The following SLC8A1 variants were observed in gnomAD, a reference collection of about 807,000 sequenced individuals.
SLC8A1 encodes sodium/calcium exchanger 1.
In SLC8A1, 18 loss-of-function variants were observed where a neutral mutation model predicts 68.3. The ratio of observed to expected loss-of-function variants is 0.26; its 90% CI spans 0.18 to 0.39. The LOEUF is 0.39. SLC8A1 is among the 10% of genes least tolerant of loss of function. The pLI, the probability that SLC8A1 is intolerant of heterozygous loss-of-function variation, is 1.00. For missense variants in SLC8A1, 985 were observed against 1,156.7 expected, an observed-to-expected ratio of 0.85 and a Z score of 2.15; for synonymous variants, 475 against 415.5, an observed-to-expected ratio of 1.14 and a Z score of -1.74.
intron 2 of SLC8A1, among the ~76,000 whole-genome samples, chr2:40,311,756 T>C (rs934815294): frequency 5.9e-5 from 9 of 152,266 alleles, no homozygotes; most frequent in Non-Finnish European, 1.3e-4. Context: ...ATTACTTGCA[T>C]AATTAAAATA....
chr2:40,219,830 C>G (rs2058054923), intron 2 of SLC8A1, among the ~76,000 whole-genome samples: 1 of 23,914 alleles, frequency 4.2e-5, no homozygotes, highest in South Asian at 9.4e-4. Flanking sequence ...CATGAGATTG[C>G]TTGAAAAATG....
At chr2:40,204,209 T>C (rs1412916888) in intron 2 of SLC8A1, among the ~76,000 whole-genome samples, 1 of 152,064 alleles carries the variant, frequency 6.6e-6, no homozygotes, top group Non-Finnish European at 1.5e-5. Flanking sequence ...TACATTGTTC[T>C]GTCTTTTAAG....
intron 1 of SLC8A1, among the ~76,000 whole-genome samples, chr2:40,467,300 G>A (rs547588424): frequency 2.0e-5 from 3 of 152,078 alleles, no homozygotes; most frequent in Non-Finnish European, 4.4e-5. Flanking sequence ...GTGTGTTGGA[G>A]CACTGATGTA....
At chr2:40,267,880 C>T (rs1559032019) in intron 2 of SLC8A1, among the ~76,000 whole-genome samples, 1 of 152,108 alleles carries the variant, frequency 6.6e-6, no homozygotes. Context: ...GCCCCTCCCA[C>T]ATATTTCCTT....
rs140762994 is a variant in SLC8A1 at position 40,332,106 on chromosome 2, T to C, written c.1808+96367A>G. ...TTGGGACTATAGGCATCAGCCATAG[T>C]GCCTGGCAGTGAGTTTTCTAAACAG... On this transcript the variant is annotated intron_variant, in intron 2 of 7. Coordinates refer to ENST00000406785, the Ensembl canonical transcript of SLC8A1. Among the ~76,000 whole-genome samples the C allele has an allele frequency of 3.4e-3, 517 of 152,208 alleles. 2 individuals carry two copies. Among genetic ancestry groups the C allele is most frequent in the African/African-American group, 0.012 (481 of 41,552 alleles).
intron 2 of SLC8A1, among the ~76,000 whole-genome samples, chr2:40,373,060 G>T (rs938383229): frequency 5.3e-5 from 8 of 150,406 alleles, no homozygotes; most frequent in Admixed American, 5.3e-4. Context: ...CTATGTCCTA[G>T]CCATAAATTG....
At chr2:40,231,131 G>C (rs2059594289) in intron 2 of SLC8A1, among the ~76,000 whole-genome samples, 1 of 152,166 alleles carries the variant, frequency 6.6e-6, no homozygotes, top group African/African-American at 2.4e-5. Flanking sequence ...GGAATGCTCA[G>C]TTTCCAGAAG....
At chr2:40,389,771 CTTTT>C (rs35431842) in intron 2 of SLC8A1, among the ~76,000 whole-genome samples, 4 of 150,454 alleles carry the variant, frequency 2.7e-5, no homozygotes, top group African/African-American at 9.8e-5. Context: ...TTTTCAGATA[CTTTT>C]TTTTATGATG....
chr2:40,301,908 G>A (rs1371103126), intron 2 of SLC8A1, among the ~76,000 whole-genome samples: 3 of 151,826 alleles, frequency 2.0e-5, no homozygotes, highest in African/African-American at 4.8e-5. Context: ...TATTGCCCAC[G>A]CTGGAGTGCA....
In SLC8A1 at chr2:40,474,836, G is replaced by A. The variant is rs184388611; in HGVS notation, c.-25+37513C>T. On this transcript the variant is annotated intron_variant, in intron 1 of 7. Coordinates refer to the SLC8A1 transcript ENST00000402441. ...TTTTCATTGGTTTCCATAAATTCAT[G>A]TTTGTAAGGCTTTATTTAACTGTAT... Among the ~76,000 whole-genome samples the A allele has an allele frequency of 6.7e-3, 1,024 of 152,280 alleles. 6 individuals are homozygous for A. Among genetic ancestry groups the A allele is most frequent in the Non-Finnish European group, 0.011 (778 of 68,022 alleles).
intron 4 of SLC8A1, among the ~76,000 whole-genome samples, chr2:40,171,271 A>G (rs1269461713): frequency 2.6e-5 from 4 of 152,210 alleles, no homozygotes; most frequent in Non-Finnish European, 5.9e-5. Context: ...CAGAATTTTC[A>G]TAGTTTGGCT....
intron 2 of SLC8A1, among the ~76,000 whole-genome samples, chr2:40,353,335 G>A (rs371828241): frequency 1.6e-4 from 24 of 152,006 alleles, no homozygotes; most frequent in African/African-American, 5.6e-4. Flanking sequence ...TACAGCCCTC[G>A]CTGCTGGGGG....
At chr2:40,299,930 C>G (rs1392973596) in intron 2 of SLC8A1, among the ~76,000 whole-genome samples, 1 of 152,182 alleles carries the variant, frequency 6.6e-6, no homozygotes, top group Non-Finnish European at 1.5e-5. Flanking sequence ...CTCCCAAACT[C>G]CTGCATCCCA....
rs1267361301 is a variant in SLC8A1 at position 40,174,703 on chromosome 2, T to G, written c.1930+122A>C. The stretch of plus-strand genomic sequence containing the variant: ...TAAGGAACATTAAAAAAATAAGTCT[T>G]ACCAAACAGGTATTTTCCTTCATTA... On this transcript the variant is annotated intron_variant, in intron 4 of 7. Coordinates refer to ENST00000406785, the Ensembl canonical transcript of SLC8A1. 6.6e-7 allele frequency: 1 copy of G among 1,524,100 alleles called. No individual in the cohort carries two copies. Among genetic ancestry groups the G allele is most frequent in the African/African-American group, 1.4e-5 (1 of 72,328 alleles). 94.4% of individuals were successfully genotyped at this position (1,524,100 alleles called of 1,614,324 possible). A position where few individuals can be genotyped will look rare whatever the true frequency, so the allele number is the denominator to read the frequency against.
chr2:40,326,969 C>T lies in SLC8A1; in HGVS notation c.1808+101504G>A, dbSNP rs553168633. 1.6e-4 allele frequency among the ~76,000 whole-genome samples: 25 copies of T among 152,248 alleles called. 1 individual carries two copies. The South Asian group carries it at 5.2e-3, about 32-fold the overall frequency. ...CAAGTAATCTTCCAAGCTCACTGTA[C>T]AATATTAGGTCCTCCATAGGAAACA... On this transcript the variant is annotated intron_variant, in intron 2 of 7. Transcript: ENST00000406785.
Position 40,396,116 on chromosome 2 carries a change from G to A in SLC8A1, c.1808+32357C>T, listed in dbSNP as rs566393408. On this transcript the variant is annotated intron_variant, in intron 2 of 7. Transcript: ENST00000406785. Reference sequence around the variant, plus strand: ...TTGCTGAAAACACCCTTAAAGGAATGTATCTCTGTCAGGGTAACAAAAACA... The same window carrying A: ...TTGCTGAAAACACCCTTAAAGGAATATATCTCTGTCAGGGTAACAAAAACA... Among the ~76,000 whole-genome samples the A allele has an allele frequency of 9.9e-5, 15 of 152,270 alleles. No homozygotes were observed. The South Asian group carries it at 1.7e-3, about 17-fold the overall frequency.
chr2:40,475,911 A>C (rs1704276447), intron 1 of SLC8A1, among the ~76,000 whole-genome samples: 1 of 152,062 alleles, frequency 6.6e-6, no homozygotes. Context: ...ATGATGCATC[A>C]CATCATAGAA....
chr2:40,099,295 G>T (rs754321698), exon 8 of SLC8A1: 1 of 152,002 alleles, frequency 6.6e-6, no homozygotes, highest in Non-Finnish European at 1.5e-5. Flanking sequence ...ACCATTATGT[G>T]TGTGTGTCTG....
At chr2:40,179,310 C>T (rs1026812585) in intron 2 of SLC8A1, among the ~76,000 whole-genome samples, 1 of 152,164 alleles carries the variant, frequency 6.6e-6, no homozygotes, top group Non-Finnish European at 1.5e-5. Context: ...CAAACATCAC[C>T]GATACACCAA....
Sources: gnomAD v4.1 joint callset for allele counts (sites outside exome capture counted in the v4.1 genomes callset) on GRCh38, gnomAD v4.1.1 for gene constraint, MANE v1.5 for transcripts, NCBI Gene and HGNC (gene_info 2026-07-23, HGNC 2026-07-21) for gene names.